GCDH: variants seen among roughly 807,000 people sequenced by gnomAD.
The protein encoded by GCDH is glutaryl-CoA dehydrogenase, mitochondrial.
A neutral mutation model predicts 52.8 loss-of-function variants in GCDH; 31 were observed. The ratio of observed to expected loss-of-function variants is 0.59; its 90% CI spans 0.44 to 0.79. GCDH has a LOEUF of 0.79. Among genes scored for constraint, GCDH ranks in the 30% least tolerant of loss-of-function variants. GCDH has a pLI of 0.00. For synonymous variants in GCDH, 242 were observed against 250.0 expected, an observed-to-expected ratio of 0.97 and a Z score of 0.30; for missense variants, 509 against 595.0, an observed-to-expected ratio of 0.86 and a Z score of 1.50.
At chr19:12,894,630 G>C in intron 6 of GCDH, 1 of 723,344 alleles carries the variant, frequency 1.4e-6, no homozygotes, top group Non-Finnish European at 2.4e-6. Context: ...AACAAAGAAG[G>C]TAAGAAACCT....
chr19:12,897,953 C>T lies in GCDH; in HGVS notation c.1243+90C>T. On this transcript the variant is annotated intron_variant, in intron 11 of 11. Transcript: ENST00000222214. ...GGGACGGGGACAGGTCTGAGTCCAA[C>T]TCCACCTATCACTAAGTGACAGTGT... 5 of 1,072,396 alleles carry T rather than the reference C, an allele frequency of 4.7e-6. No individual in the cohort carries two copies. In the South Asian group the frequency reaches 6.4e-5, roughly 14 times the overall value. The allele number at this position is 1,072,396 out of a possible 1,614,324, so 66.4% of individuals were successfully genotyped here.
rs759509439 is a variant in GCDH at position 12,895,965 on chromosome 19, C to G, written c.506-27C>G. 4 of 1,613,416 alleles carry G rather than the reference C, an allele frequency of 2.5e-6. No individual in the cohort carries two copies. The Admixed American group carries it at 6.7e-5, about 27-fold the overall frequency. Reference sequence around the variant, plus strand: ...AGGGGATGTATCAGGGACCAGGCAGCCTTGTGACTTTGTCTTGTGCCTGCA... The same window carrying G: ...AGGGGATGTATCAGGGACCAGGCAGGCTTGTGACTTTGTCTTGTGCCTGCA... On this transcript the variant is annotated intron_variant, in intron 6 of 11. Coordinates refer to ENST00000222214, the MANE Select transcript of GCDH (RefSeq NM_000159.4).
chr19:12,898,907 T>G, intron 11 of GCDH: 1 of 215,314 alleles, frequency 4.6e-6, no homozygotes, highest in Non-Finnish European at 9.4e-6. Flanking sequence ...GGGCATGGGG[T>G]GTGGGATTCT....
At chr19:12,894,295 G>T in intron 6 of GCDH, 1 of 834,144 alleles carries the variant, frequency 1.2e-6, no homozygotes. Flanking sequence ...AATCAGTGGT[G>T]GGAACAATAA....
At chr19:12,899,070 C>T (rs375825710) in intron 11 of GCDH, 130 of 503,238 alleles carry the variant, frequency 2.6e-4, no homozygotes, top group Non-Finnish European at 4.1e-4. Flanking sequence ...GGCAAGGAAG[C>T]GTGGCCAGGT....
chr19:12,899,043 G>A (rs926799623), intron 11 of GCDH: 5 of 452,252 alleles, frequency 1.1e-5, no homozygotes, highest in Non-Finnish European at 1.6e-5. Flanking sequence ...GAGCTCAGGG[G>A]TGCTTTCAGC....
chr19:12,894,122 G>A lies in GCDH; in HGVS notation c.505+469G>A, dbSNP rs904260941. On this transcript the variant is annotated intron_variant, in intron 6 of 11. Transcript: ENST00000222214. ...TTCCGTGGTGTCTCGGAGGTGTTCA[G>A]CTGCTTCAAGATGAAGCTGAACATC... 20 of 1,294,056 alleles carry A rather than the reference G, an allele frequency of 1.5e-5. No homozygotes were observed. In the African/African-American group the frequency reaches 2.6e-4, roughly 17 times the overall value. 80.2% of individuals were successfully genotyped at this position (1,294,056 alleles called of 1,614,324 possible).
Position 12,891,399 on chromosome 19 carries a change from A to G in GCDH, c.91+4A>G. On this transcript the variant is annotated splice_donor_region_variant and intron_variant, in intron 2 of 11. Coordinates refer to ENST00000222214, the MANE Select transcript of GCDH (RefSeq NM_000159.4). ...GTCTCGTCGGCGGCGCAGACCGGTC[A>G]GTGTGGGGTCGGGAGTGTGGAGGGA... The G allele has an allele frequency of 1.2e-6, 2 of 1,614,104 alleles. No homozygotes were observed. Among genetic ancestry groups the G allele is most frequent in the East Asian group, 4.5e-5 (2 of 44,886 alleles).
In GCDH at chr19:12,893,515, T is replaced by C. The variant is rs754741320; in HGVS notation, c.367T>C (p.Tyr123His). 5.0e-6 allele frequency: 8 copies of C among 1,614,092 alleles called. No individual in the cohort carries two copies. In the South Asian group the frequency reaches 6.6e-5, roughly 13 times the overall value. Reference sequence around the variant, plus strand: ...CTGTGCTGGGGTTTCGTCTGTGGCCTATGGGCTCCTGGCCCGAGAGCTGGA... The same window carrying C: ...CTGTGCTGGGGTTTCGTCTGTGGCCCATGGGCTCCTGGCCCGAGAGCTGGA... ...YGCAGVSSVA[Y>H]GLLARELERV... is the part of the protein sequence containing the mutation. The change falls in exon 6 of 12, where the codon TAT (tyrosine) becomes CAT (histidine). Residue 123 changes from tyrosine (Y) to histidine (H), a missense_variant. Tyr to His is a moderately conservative substitution (Grantham distance 83). Transcript: ENST00000222214.
intron 3 of GCDH, 152 bp downstream of exon 3, chr19:12,891,674 G>T: frequency 6.2e-7 from 1 of 1,604,394 alleles, no homozygotes; most frequent in Non-Finnish European, 8.5e-7. Flanking sequence ...AGTGCGCTGT[G>T]CCTGCGGGGC....
intron 6 of GCDH, chr19:12,894,264 A>T (rs1970622322): frequency 1.0e-6 from 1 of 954,740 alleles, no homozygotes; most frequent in East Asian, 2.4e-5. Context: ...TGGGTGAAGA[A>T]TGGAAGGGTT....
chr19:12,894,022 G>A lies in GCDH; in HGVS notation c.505+369G>A, dbSNP rs972793477. 5.0e-6 allele frequency: 3 copies of A among 596,814 alleles called. No homozygotes were observed. In the African/African-American group the frequency reaches 5.6e-5, roughly 11 times the overall value. 37.0% of individuals were successfully genotyped at this position (596,814 alleles called of 1,614,324 possible). ...TCGAAACCAGCCTGGGCAACGTAAG[G>A]AGACCCCATGTCTATTAGAAAAACA... On this transcript the variant is annotated intron_variant, in intron 6 of 11. Transcript: ENST00000222214.
chr19:12,896,666 CT>C lies in GCDH; in HGVS notation c.853-243del, dbSNP rs1472616398. 6.6e-6 allele frequency among the ~76,000 whole-genome samples: 1 copy of C among 152,222 alleles called. No individual in the cohort carries two copies. The highest frequency in any genetic ancestry group is 1.5e-5 in the Non-Finnish European group (1 of 68,040). ...AGTCATTTGACTCACAGTGCATCTT[CT>C]GGCATCCGTCAGCCTCCTGGCTCTG... On this transcript the variant is annotated intron_variant, in intron 8 of 11. Coordinates refer to ENST00000222214, the MANE Select transcript of GCDH (RefSeq NM_000159.4). This position sits in a 1 kb window ranked among gnomAD's most constrained non-coding sequence, Gnocchi z 5.5.
At chr19:12,894,193 G>C in intron 6 of GCDH, 7 of 1,568,032 alleles carry the variant, frequency 4.5e-6, no homozygotes, top group Non-Finnish European at 6.1e-6. Flanking sequence ...AGTGGACGAT[G>C]AACGCAAACT....
chr19:12,899,024 G>A, intron 11 of GCDH: 1 of 411,622 alleles, frequency 2.4e-6, no homozygotes, highest in Non-Finnish European at 4.5e-6. Flanking sequence ...GGCTTGCTGT[G>A]TTTCCTTGGA....
chr19:12,892,086 G>A, intron 4 of GCDH, 30 bp from the exon 5 acceptor site: 1 of 1,613,892 alleles, frequency 6.2e-7, no homozygotes, highest in Non-Finnish European at 8.5e-7. Context: ...CTAGGCCTGG[G>A]CCTGAATTTG....
At chr19:12,894,183 A>C in intron 6 of GCDH, 1 of 1,577,816 alleles carries the variant, frequency 6.3e-7, no homozygotes, top group Non-Finnish European at 8.7e-7. Context: ...AACTCATTGA[A>C]GTGGACGATG....
chr19:12,896,771 C>T lies in GCDH; in HGVS notation c.853-139C>T. On this transcript the variant is annotated intron_variant, in intron 8 of 11. Coordinates refer to ENST00000222214, the MANE Select transcript of GCDH (RefSeq NM_000159.4). This position sits in a 1 kb window ranked among gnomAD's most constrained non-coding sequence, Gnocchi z 5.5. ...AGGCACCGAGCTTCAGTGCCAGGGC[C>T]ATCTGTGATGTGAACCACAACCTGA... The T allele has an allele frequency of 1.4e-6, 1 of 707,632 alleles. No homozygotes were observed. The highest frequency in any genetic ancestry group is 2.6e-6 in the Non-Finnish European group (1 of 391,106). 43.8% of individuals were successfully genotyped at this position (707,632 alleles called of 1,614,324 possible). A position where few individuals can be genotyped will look rare whatever the true frequency, so the allele number is the denominator to read the frequency against.
chr19:12,895,976 T>C lies in GCDH; in HGVS notation c.506-16T>C, dbSNP rs760289318. The stretch of plus-strand genomic sequence containing the variant: ...CAGGGACCAGGCAGCCTTGTGACTT[T>C]GTCTTGTGCCTGCAGCCAAGGGGGA... On this transcript the variant is annotated splice_polypyrimidine_tract_variant and intron_variant, in intron 6 of 11. Transcript: ENST00000222214. The C allele has an allele frequency of 4.3e-6, 7 of 1,613,736 alleles. No homozygotes were observed. The highest frequency in any genetic ancestry group is 2.2e-5 in the East Asian group (1 of 44,882).
Sources: allele counts gnomAD v4.1 joint callset (sites outside exome capture counted in the v4.1 genomes callset), GRCh38; gene constraint gnomAD v4.1.1; non-coding constraint Gnocchi (gnomAD v3.1); transcripts MANE v1.5; gene names NCBI Gene and HGNC (gene_info 2026-07-23, HGNC 2026-07-21).